Variants in CSMD2 observed in about 807,000 individuals in gnomAD.
The protein encoded by CSMD2 is CUB and sushi domain-containing protein 2.
Under a neutral mutation model 398.5 loss-of-function variants are expected in CSMD2, and 130 were observed. That is an observed-to-expected ratio of 0.33 (90% CI 0.28 to 0.38). The LOEUF is 0.38. CSMD2 is among the 10% of genes least tolerant of loss of function. CSMD2 has a pLI of 1.00. For synonymous variants in CSMD2, 1,828 were observed against 1,908.5 expected (o/e 0.96, Z 1.10); for missense variants, 3,829 against 4,764.9 (o/e 0.80, Z 5.78).
At chr1:33,550,950 C>T (rs1343277008) in intron 55 of CSMD2, among the ~76,000 whole-genome samples, 2 of 152,188 alleles carry the variant, frequency 1.3e-5, no homozygotes, top group Admixed American at 6.5e-5. Context: ...GGCTGGTCTT[C>T]CCATTGGTCT....
At chr1:34,143,882 T>C (rs1639530679) in intron 1 of CSMD2, among the ~76,000 whole-genome samples, 1 of 152,168 alleles carries the variant, frequency 6.6e-6, no homozygotes, top group South Asian at 2.1e-4. Flanking sequence ...ATCAAGGAGT[T>C]AACCAAGGAG....
chr1:33,889,973 A>T (rs193071775), intron 5 of CSMD2, among the ~76,000 whole-genome samples: 104 of 152,220 alleles, frequency 6.8e-4, no homozygotes, highest in Non-Finnish European at 1.1e-3. Flanking sequence ...GTGGGTATAT[A>T]CTTAAACACA....
At chr1:33,978,113 A>G (rs1244146426) in intron 3 of CSMD2, among the ~76,000 whole-genome samples, 1 of 150,716 alleles carries the variant, frequency 6.6e-6, no homozygotes, top group African/African-American at 2.5e-5. Flanking sequence ...TATATGGATG[A>G]GGAACTTGAG....
chr1:33,542,781 G>T lies in CSMD2; in HGVS notation c.9216C>A (p.Gly3072=), dbSNP rs1656482161. The T allele has an allele frequency of 6.2e-7, 1 of 1,614,146 alleles. No homozygotes were observed. Among genetic ancestry groups the T allele is most frequent in the East Asian group, 2.2e-5 (1 of 44,884 alleles). ...YECREGYYAT[G]LLSRHCSVNG... is the part of the protein sequence containing the mutation. ...TGACCGAGCAGTGACGGCTGAGCAGGCCTGTGGCGTAGTATCCTTCCCGGC... is the reference window on the plus strand; with the variant it reads ...TGACCGAGCAGTGACGGCTGAGCAGTCCTGTGGCGTAGTATCCTTCCCGGC... The change falls in exon 58 of 71, where the codon GGC becomes GGA. Residue 3072 remains glycine, a synonymous_variant. Coordinates refer to ENST00000373381, the MANE Select transcript of CSMD2 (RefSeq NM_001281956.2).
chr1:33,739,463 G>T (rs909671612), intron 14 of CSMD2, 129 bp from the exon 15 acceptor site: 6 of 874,450 alleles, frequency 6.9e-6, no homozygotes, highest in Non-Finnish European at 1.0e-5. Context: ...TGCCATGTTG[G>T]CGGGAGAGCT....
chr1:33,648,178 C>T (rs1010973560), intron 28 of CSMD2, among the ~76,000 whole-genome samples: 3 of 151,868 alleles, frequency 2.0e-5, no homozygotes, highest in Non-Finnish European at 2.9e-5. Context: ...CTGACTAACA[C>T]GGTGAAACCC....
intron 53 of CSMD2, among the ~76,000 whole-genome samples, chr1:33,566,913 TAATC>T (rs1348924522): frequency 2.0e-5 from 3 of 152,264 alleles, no homozygotes; most frequent in East Asian, 3.9e-4. Context: ...ATAGACAACA[TAATC>T]AATCAGATAT....
chr1:33,605,463 T>C lies in CSMD2; in HGVS notation c.6351A>G (p.Glu2117=), dbSNP rs374545724. ...GCTCTGGGTCTGGGCACTCTTGAAG[T>C]TCATAGGCTGGAAAAGATCCGGAGA... ...PGFKLEYQAY[E]LQECPDPEPF... is the part of the protein sequence containing the mutation. The change falls in exon 42 of 71, where the codon GAA becomes GAG. Residue 2117 remains glutamate, a synonymous_variant. Coordinates refer to ENST00000373381, the MANE Select transcript of CSMD2 (RefSeq NM_001281956.2). 103 of 1,613,908 alleles carry C rather than the reference T, an allele frequency of 6.4e-5. 1 individual carries two copies. The South Asian group carries it at 1.1e-3, about 17-fold the overall frequency.
chr1:34,118,321 G>A (rs1011483631), intron 1 of CSMD2, among the ~76,000 whole-genome samples: 4 of 152,168 alleles, frequency 2.6e-5, no homozygotes, highest in African/African-American at 9.7e-5. Context: ...ATGCTGAATG[G>A]TGAAAAACTG....
intron 23 of CSMD2, among the ~76,000 whole-genome samples, chr1:33,699,648 CTA>C (rs1239029165): frequency 6.6e-6 from 1 of 152,230 alleles, no homozygotes; most frequent in Admixed American, 6.5e-5. Flanking sequence ...GGAAACCTGA[CTA>C]TACTCCGTGC....
At chr1:34,047,805 T>C (rs1652707645) in intron 2 of CSMD2, among the ~76,000 whole-genome samples, 1 of 152,150 alleles carries the variant, frequency 6.6e-6, no homozygotes, top group Admixed American at 6.5e-5. Flanking sequence ...TCAAAGAGGA[T>C]GGCACAAGCA....
intron 43 of CSMD2, among the ~76,000 whole-genome samples, chr1:33,601,545 T>C (rs1268785750): frequency 6.6e-6 from 1 of 152,208 alleles, no homozygotes; most frequent in African/African-American, 2.4e-5. Flanking sequence ...CTGGTTACAG[T>C]TATCCAAGCC....
rs538336328 is a variant in CSMD2, at chr1:33,715,067, T to C, written c.3218-292A>G. The stretch of plus-strand genomic sequence containing the variant: ...GGTCTGCACCCACTCCTGTGAGCAG[T>C]GAAAGGGCACAGCCTTTCCTAGACA... On this transcript the variant is annotated intron_variant, in intron 20 of 70. Coordinates refer to ENST00000373381, the MANE Select transcript of CSMD2 (RefSeq NM_001281956.2). Among the ~76,000 whole-genome samples the C allele has an allele frequency of 6.6e-5, 10 of 152,232 alleles. No homozygotes were observed. In the South Asian group the frequency reaches 1.7e-3, roughly 25 times the overall value.
chr1:33,847,087 G>T, intron 5 of CSMD2, 91 bp from the exon 6 acceptor site: 1 of 801,518 alleles, frequency 1.2e-6, no homozygotes, highest in Non-Finnish European at 2.0e-6. Flanking sequence ...TCCCTTGAGT[G>T]CCAAGGCCTC....
chr1:33,823,296 C>T (rs1482666811), intron 7 of CSMD2, among the ~76,000 whole-genome samples: 2 of 152,204 alleles, frequency 1.3e-5, no homozygotes, highest in African/African-American at 2.4e-5. Context: ...GGTGGTCCCA[C>T]GAGGATCTTC....
chr1:33,709,982 C>A (rs1291974263), intron 21 of CSMD2, among the ~76,000 whole-genome samples: 2 of 152,164 alleles, frequency 1.3e-5, no homozygotes, highest in African/African-American at 4.8e-5. Flanking sequence ...TGAAATCACA[C>A]CCTCCTCTGG....
chr1:33,718,948 C>A (rs1047776347), intron 19 of CSMD2, among the ~76,000 whole-genome samples: 3 of 152,198 alleles, frequency 2.0e-5, no homozygotes, highest in African/African-American at 7.2e-5. Context: ...TCCCAGGCAA[C>A]TGAGAAGCAT....
At chr1:33,613,081 G>A (rs1374368155) in intron 40 of CSMD2, among the ~76,000 whole-genome samples, 1 of 152,186 alleles carries the variant, frequency 6.6e-6, no homozygotes, top group Non-Finnish European at 1.5e-5. Context: ...GGAGCAGCAT[G>A]TAGCTGCAGC....
intron 23 of CSMD2, among the ~76,000 whole-genome samples, chr1:33,700,077 C>T (rs771823083): frequency 1.3e-5 from 2 of 151,528 alleles, no homozygotes; most frequent in African/African-American, 4.9e-5. Flanking sequence ...GGCGCAATCT[C>T]GGCTCACTGC....
Sources: gnomAD v4.1 joint callset for allele counts (sites outside exome capture counted in the v4.1 genomes callset) on GRCh38, gnomAD v4.1.1 for gene constraint, MANE v1.5 for transcripts, NCBI Gene and HGNC (gene_info 2026-07-23, HGNC 2026-07-21) for gene names.